VPS13A: variants seen among roughly 807,000 people sequenced by gnomAD.
VPS13A encodes the protein intermembrane lipid transfer protein VPS13A.
A neutral mutation model predicts 390.9 loss-of-function variants in VPS13A; 264 were observed. The observed-to-expected ratio is 0.68, with a 90% CI of 0.61 to 0.75. The LOEUF is 0.75. Ranked by LOEUF, VPS13A falls within the 30% of genes least tolerant of loss-of-function variation. VPS13A has a pLI of 0.00. For synonymous variants in VPS13A, 1,231 were observed against 1,227.1 expected, an observed-to-expected ratio of 1.00 and a Z score of -0.07; for missense variants, 3,409 against 3,733.9, an observed-to-expected ratio of 0.91 and a Z score of 2.27.
chr9:77,384,102 T>G (rs893631625), intron 68 of VPS13A, among the ~76,000 whole-genome samples: 1 of 151,662 alleles, frequency 6.6e-6, no homozygotes, highest in African/African-American at 2.4e-5. Context: ...AGATTTTATG[T>G]AAGTGATATA....
At chr9:77,247,443 C>T (rs1824881387) in intron 20 of VPS13A, 48 bp downstream of exon 20, 1 of 1,522,358 alleles carries the variant, frequency 6.6e-7, no homozygotes, top group South Asian at 1.3e-5. Context: ...TGGGGTGTTT[C>T]TTTGTTTTAA....
At chr9:77,391,743 A>T (rs1391233029) in intron 68 of VPS13A, among the ~76,000 whole-genome samples, 2 of 152,240 alleles carry the variant, frequency 1.3e-5, no homozygotes, top group African/African-American at 4.8e-5. Context: ...TTTCATGTAA[A>T]GTTAATCTTT....
intron 59 of VPS13A, among the ~76,000 whole-genome samples, chr9:77,364,165 C>G (rs916948246): frequency 2.0e-5 from 3 of 152,274 alleles, no homozygotes; most frequent in African/African-American, 7.2e-5. Context: ...GTGGCTCACG[C>G]CTGTAATCCC....
At chr9:77,403,506 G>GATAA (rs1477012505) in intron 69 of VPS13A, among the ~76,000 whole-genome samples, 185 bp downstream of exon 69, 10 of 152,260 alleles carry the variant, frequency 6.6e-5, no homozygotes, top group Non-Finnish European at 1.3e-4. Context: ...CATGCATACA[G>GATAA]ATAAACACAG....
Position 77,227,479 on chromosome 9 carries a change from A to T in VPS13A, c.1446A>T (p.Leu482=), listed in dbSNP as rs1246925535. 1.2e-6 allele frequency: 2 copies of T among 1,608,138 alleles called. No individual in the cohort carries two copies. The highest frequency in any genetic ancestry group is 2.2e-5 in the East Asian group (1 of 44,758). ...AAACAGCAGTTGATCCAACTTTACTAAAAACAGTAAGATGTTTTCTTGCCT... is the reference window on the plus strand; with the variant it reads ...AAACAGCAGTTGATCCAACTTTACTTAAAACAGTAAGATGTTTTCTTGCCT... ...YSETAVDPTL[L]KTFEALKFFV... is the part of the protein sequence containing the mutation. Residue 482 remains leucine (L), a synonymous_variant, in exon 16 of 72, where the codon CTA becomes CTT. Coordinates refer to ENST00000360280, the MANE Select transcript of VPS13A (RefSeq NM_033305.3).
At chr9:77,391,264 TTG>T (rs910094750) in intron 68 of VPS13A, among the ~76,000 whole-genome samples, 6 of 152,106 alleles carry the variant, frequency 3.9e-5, no homozygotes, top group African/African-American at 1.4e-4. Flanking sequence ...TCAGAAATAT[TTG>T]TGTGTGTGTA....
intron 5 of VPS13A, among the ~76,000 whole-genome samples, chr9:77,208,024 A>C (rs1825775786): frequency 6.6e-6 from 1 of 152,332 alleles, no homozygotes; most frequent in Non-Finnish European, 1.5e-5. Context: ...AAAGGGATTT[A>C]AGGTGTTGGT....
At chr9:77,337,091 C>T (rs1028341686) in intron 46 of VPS13A, among the ~76,000 whole-genome samples, 164 bp from the exon 47 acceptor site, 1 of 152,024 alleles carries the variant, frequency 6.6e-6, no homozygotes, top group Non-Finnish European at 1.5e-5. Flanking sequence ...GCCACCGCGC[C>T]TGGCCTTATC....
rs750199969 is a variant in VPS13A at position 77,354,006 on chromosome 9, A to G, written c.7652+365A>G. ...AGCTGTTGGAGGATTAACATAGACA[A>G]TCACTTTCTAATTTGACCTTGGCAC... On this transcript the variant is annotated intron_variant, in intron 54 of 71. Coordinates refer to ENST00000360280, the MANE Select transcript of VPS13A (RefSeq NM_033305.3). Among the ~76,000 whole-genome samples, 18 of 152,180 alleles carry G rather than the reference A, an allele frequency of 1.2e-4. No individual in the cohort carries two copies. In the South Asian group the frequency reaches 2.1e-3, roughly 18 times the overall value.
chr9:77,314,519 C>T lies in VPS13A; in HGVS notation c.4267C>T (p.Pro1423Ser). The change falls in exon 37 of 72, where the codon CCT becomes TCT. Residue 1423 changes from proline (P) to serine (S), a missense_variant. Physicochemically the swap from Pro to Ser is moderately conservative, Grantham distance 74 (BLOSUM62 -1). This residue lies in a region of VPS13A where 2,717 missense variants were observed against 2,917.4 expected (regional missense o/e 0.93). Coordinates refer to ENST00000360280, the MANE Select transcript of VPS13A (RefSeq NM_033305.3). ...GGCTTCCTTTACAGATGTTCGTGAT[C>T]CTTCTCTGAAACTTGCTGAATTTAA... ...KQASFTDVRD[P>S]SLKLAEFKLE... The T allele has an allele frequency of 6.2e-7, 1 of 1,612,308 alleles. No individual in the cohort carries two copies. The highest frequency in any genetic ancestry group is 2.2e-5 in the East Asian group (1 of 44,734).
At chr9:77,343,412 G>GT (rs1421800079) in intron 50 of VPS13A, among the ~76,000 whole-genome samples, 2 of 152,156 alleles carry the variant, frequency 1.3e-5, no homozygotes, top group Admixed American at 1.3e-4. Flanking sequence ...TGATGATCAG[G>GT]TATCACACAT....
At chr9:77,297,068 C>G (rs541250582) in intron 33 of VPS13A, among the ~76,000 whole-genome samples, 1 of 151,928 alleles carries the variant, frequency 6.6e-6, no homozygotes, top group South Asian at 2.1e-4. Context: ...TGATCTTAAG[C>G]AGTTTTTGGT....
At chr9:77,181,989 A>G (rs1346168094) in intron 1 of VPS13A, among the ~76,000 whole-genome samples, 1 of 152,180 alleles carries the variant, frequency 6.6e-6, no homozygotes, top group African/African-American at 2.4e-5. Flanking sequence ...ATACACTTCT[A>G]TTTATAATTC....
chr9:77,326,730 G>A (rs1385233301), intron 45 of VPS13A, among the ~76,000 whole-genome samples: 2 of 151,808 alleles, frequency 1.3e-5, no homozygotes, highest in African/African-American at 4.8e-5. Context: ...TTTTCATTAT[G>A]GTAATTTTTT....
chr9:77,395,694 A>G (rs1834094454), intron 68 of VPS13A: 1 of 152,160 alleles, frequency 6.6e-6, no homozygotes. Flanking sequence ...AACTCATTAT[A>G]TTTTTATTAT....
At chr9:77,412,842 A>G (rs1835000854) in intron 71 of VPS13A, among the ~76,000 whole-genome samples, 2 of 152,228 alleles carry the variant, frequency 1.3e-5, no homozygotes, top group Non-Finnish European at 2.9e-5. Flanking sequence ...TTGTATATCT[A>G]GAAAACCCCA....
In VPS13A at chr9:77,323,077, C is replaced by A; in HGVS notation, c.5841C>A (p.Asn1947Lys). The change falls in exon 45 of 72, where the codon AAC becomes AAA. Residue 1947 changes from asparagine to lysine, a missense_variant. This residue lies in a region of VPS13A where 2,717 missense variants were observed against 2,917.4 expected (regional missense o/e 0.93). Transcript: ENST00000360280. ...ACTTACTTAATTTAGCACCTGTTAA[C>A]CATTCTACTGCTGATAAGATTCCTT... Reference protein sequence around the residue: ...KLFFILLTPVNHSTADKIPLT... With the variant: ...KLFFILLTPVKHSTADKIPLT... 6.2e-7 allele frequency: 1 copy of A among 1,611,508 alleles called. No homozygotes were observed. The highest frequency in any genetic ancestry group is 8.5e-7 in the Non-Finnish European group (1 of 1,178,256).
chr9:77,349,311 T>C (rs183434788), intron 52 of VPS13A, among the ~76,000 whole-genome samples: 3 of 152,270 alleles, frequency 2.0e-5, no homozygotes, highest in African/African-American at 7.2e-5. Context: ...TCTTTCTAAC[T>C]TTTATTATAG....
chr9:77,320,009 C>T (rs893463588), intron 42 of VPS13A, among the ~76,000 whole-genome samples: 1 of 152,094 alleles, frequency 6.6e-6, no homozygotes, highest in Admixed American at 6.6e-5. Flanking sequence ...AATCTAAGGC[C>T]AATGTTGCCT....
Sources: allele counts gnomAD v4.1 joint callset (sites outside exome capture counted in the v4.1 genomes callset), GRCh38; gene constraint gnomAD v4.1.1; regional missense constraint gnomAD v4.1.1; transcripts MANE v1.5; gene names NCBI Gene and HGNC (gene_info 2026-07-23, HGNC 2026-07-21).